GRB10: variants seen among roughly 807,000 people sequenced by gnomAD.
GRB10 encodes growth factor receptor-bound protein 10.
GRB10 carries 20 observed loss-of-function variants against 80.9 expected under a neutral mutation model. The observed-to-expected ratio is 0.25, with a 90% confidence interval of 0.17 to 0.36. The LOEUF is 0.36. GRB10 is among the 10% of genes least tolerant of loss of function. The probability of loss-of-function intolerance (pLI) is 1.00; values close to 1 mark genes in which losing one functional copy is unlikely to be tolerated. For synonymous variants in GRB10, 291 were observed against 291.5 expected, an observed-to-expected ratio of 1.00 and a Z score of 0.02; for missense variants, 548 against 747.7, an observed-to-expected ratio of 0.73 and a Z score of 3.12.
chr7:50,660,273 G>A (rs2059120043), intron 7 of GRB10, among the ~76,000 whole-genome samples: 1 of 152,172 alleles, frequency 6.6e-6, no homozygotes, highest in Non-Finnish European at 1.5e-5. Flanking sequence ...AAGTGGGGGT[G>A]CAGCCATCAT....
chr7:50,765,650 T>A (rs937912069), intron 2 of GRB10, among the ~76,000 whole-genome samples: 3 of 152,236 alleles, frequency 2.0e-5, no homozygotes, highest in Admixed American at 2.0e-4. Flanking sequence ...TAGGGGGGTA[T>A]GGAGGATTAA....
intron 2 of GRB10, among the ~76,000 whole-genome samples, chr7:50,768,998 G>A (rs1021420487): frequency 6.6e-5 from 10 of 152,146 alleles, no homozygotes; most frequent in African/African-American, 2.4e-4. Context: ...AAAGCTACCC[G>A]GGACCACAGA....
chr7:50,691,462 G>A (rs1416813464), intron 5 of GRB10, among the ~76,000 whole-genome samples: 2 of 152,162 alleles, frequency 1.3e-5, no homozygotes, highest in African/African-American at 4.8e-5. Context: ...TACCTCATAG[G>A]ATAGGTAGAT....
rs1352639432 is a variant in GRB10, at chr7:50,664,735, T to C, written c.504+4987A>G. Among the ~76,000 whole-genome samples, 3 of 152,214 alleles carry C rather than the reference T, an allele frequency of 2.0e-5. No individual in the cohort carries two copies. The South Asian group carries it at 6.2e-4, about 32-fold the overall frequency. ...AGACCCAGTGGCACCAACTAGACCGTGAGCCCAGCCTCTCCGGCCGGAGCA... is the reference window on the plus strand; with the variant it reads ...AGACCCAGTGGCACCAACTAGACCGCGAGCCCAGCCTCTCCGGCCGGAGCA... On this transcript the variant is annotated intron_variant, in intron 7 of 18. Transcript: ENST00000401949.
At chr7:50,621,636 CATG>C (rs1427056642) in intron 8 of GRB10, among the ~76,000 whole-genome samples, 1 of 152,162 alleles carries the variant, frequency 6.6e-6, no homozygotes, top group East Asian at 1.9e-4. Context: ...TAATTTTCTC[CATG>C]ATTTAAAGAT....
rs139971264 is a variant in GRB10 at position 50,707,422 on chromosome 7, C to G, written c.52-3514G>C. Among the ~76,000 whole-genome samples the G allele has an allele frequency of 9.5e-3, 1,451 of 152,330 alleles. 26 individuals are homozygous for G. The highest frequency in any genetic ancestry group is 0.033 in the African/African-American group (1,364 of 41,568). ...CCACCTCCTCACCGGTTCCACAGAG[C>G]TGCCCGCTCCCGGGCCGGCAATCCT... On this transcript the variant is annotated intron_variant, in intron 4 of 18. Coordinates refer to ENST00000401949, the MANE Select transcript of GRB10 (RefSeq NM_001350814.2).
chr7:50,710,581 G>A (rs1053174690), intron 4 of GRB10, among the ~76,000 whole-genome samples: 5 of 152,144 alleles, frequency 3.3e-5, no homozygotes, highest in Non-Finnish European at 7.3e-5. Context: ...ACGGATGGAG[G>A]GGCAGCGGGA....
chr7:50,614,778 A>T lies in GRB10; in HGVS notation c.1087T>A (p.Cys363Ser), dbSNP rs1302624788. The change falls in exon 12 of 19, where the codon TGC becomes AGC. Residue 363 changes from cysteine to serine, a missense_variant. Physicochemically the swap from Cys to Ser is moderately radical, Grantham distance 112 (BLOSUM62 -1). Around this residue, in one of 4 missense-constraint regions of GRB10, gnomAD observed 270 missense variants for 433.6 expected, o/e 0.62. Coordinates refer to ENST00000401949, the MANE Select transcript of GRB10 (RefSeq NM_001350814.2). ...GGACAGCTCGTGGGTACCTTTATGC[A>T]GAGCCCGTGGTCTGTAGGGGCGTTG... Reference protein sequence around the residue: ...QYNAPTDHGLCIKPNKVRNET... With the variant: ...QYNAPTDHGLSIKPNKVRNET... 6.2e-7 allele frequency: 1 copy of T among 1,611,176 alleles called. No individual in the cohort carries two copies. Among genetic ancestry groups the T allele is most frequent in the Non-Finnish European group, 8.5e-7 (1 of 1,177,508 alleles).
rs530548471 is a variant in GRB10, at chr7:50,635,106, A to G, written c.505-8128T>C. Among the ~76,000 whole-genome samples, 14 of 152,336 alleles carry G rather than the reference A, an allele frequency of 9.2e-5. No homozygotes were observed. The East Asian group carries it at 2.7e-3, about 29-fold the overall frequency. ...ATACATTTTTCTCATCTGCACATCA[A>G]ACAAAATTGACCAGATGCTTTGCCA... On this transcript the variant is annotated intron_variant, in intron 7 of 18. Transcript: ENST00000401949.
rs1259157917 is a variant in GRB10 at position 50,604,066 on chromosome 7, G to C, written c.1476C>G (p.His492Gln). Residue 492 changes from histidine (H) to glutamine (Q), a missense_variant, in exon 17 of 19, where the codon CAC becomes CAG. By Grantham distance (24) the His-to-Gln change is conservative (BLOSUM62 0). Around this residue, in one of 4 missense-constraint regions of GRB10, gnomAD observed 270 missense variants for 433.6 expected, o/e 0.62. Coordinates refer to ENST00000401949, the MANE Select transcript of GRB10 (RefSeq NM_001350814.2). ...CCCTGGAGATCCTCCCGTGAAACCA[G>C]TGCTGTGTCCTGTGAATCACTGTGG... ...TLSTVIHRTQ[H>Q]WFHGRISREE... The C allele has an allele frequency of 3.1e-6, 5 of 1,613,860 alleles. No individual in the cohort carries two copies. Among genetic ancestry groups the C allele is most frequent in the Non-Finnish European group, 4.2e-6 (5 of 1,179,832 alleles).
intron 5 of GRB10, among the ~76,000 whole-genome samples, chr7:50,684,433 C>T (rs2061889863): frequency 2.0e-5 from 3 of 151,800 alleles, no homozygotes; most frequent in Admixed American, 6.6e-5. Context: ...ACCTGGCATC[C>T]AATGTTCAGT....
At chr7:50,598,782 T>C (rs1290525805) in intron 17 of GRB10, among the ~76,000 whole-genome samples, 1 of 152,114 alleles carries the variant, frequency 6.6e-6, no homozygotes, top group African/African-American at 2.4e-5. Context: ...CTTTCTGCGG[T>C]TGGGAGAAGG....
chr7:50,763,970 T>C lies in GRB10; in HGVS notation c.-216-7914A>G, dbSNP rs188448028. Among the ~76,000 whole-genome samples, 4 of 152,388 alleles carry C rather than the reference T, an allele frequency of 2.6e-5. No individual in the cohort carries two copies. In the East Asian group the frequency reaches 7.7e-4, roughly 29 times the overall value. ...CGACAGCTGCCAGGCCTGACGCGTG[T>C]GGCCCCTGCCTCCTCTCCAGGCTGC... On this transcript the variant is annotated intron_variant, in intron 2 of 18. Coordinates refer to ENST00000401949, the MANE Select transcript of GRB10 (RefSeq NM_001350814.2).
intron 4 of GRB10, among the ~76,000 whole-genome samples, chr7:50,705,912 G>A (rs1221844344): frequency 6.6e-6 from 1 of 152,194 alleles, no homozygotes; most frequent in Non-Finnish European, 1.5e-5. Flanking sequence ...AGGGAGCTGT[G>A]CTCCCCTGGC....
At chr7:50,732,171 C>T in intron 4 of GRB10, 101 bp downstream of exon 4, 2 of 1,225,306 alleles carry the variant, frequency 1.6e-6, no homozygotes, top group Non-Finnish European at 1.2e-6. Context: ...TCCTAGTGAC[C>T]TGAGAGCTAC....
At chr7:50,767,744 A>G (rs944224516) in intron 2 of GRB10, among the ~76,000 whole-genome samples, 1 of 152,170 alleles carries the variant, frequency 6.6e-6, no homozygotes, top group African/African-American at 2.4e-5. Flanking sequence ...CAGACCCAGC[A>G]GTGAGCCACT....
At chr7:50,689,036 C>T (rs2062453841) in intron 5 of GRB10, among the ~76,000 whole-genome samples, 1 of 152,168 alleles carries the variant, frequency 6.6e-6, no homozygotes, top group Non-Finnish European at 1.5e-5. Flanking sequence ...AGACAATTTG[C>T]CTTCATCTCT....
intron 11 of GRB10, among the ~76,000 whole-genome samples, chr7:50,615,981 A>T (rs2715126): frequency 2.0e-5 from 3 of 151,966 alleles, no homozygotes; most frequent in Non-Finnish European, 2.9e-5. Context: ...GGGTGGGGCT[A>T]GGCAGGTGGG....
chr7:50,673,534 G>A (rs544816907), intron 6 of GRB10, among the ~76,000 whole-genome samples: 1 of 152,146 alleles, frequency 6.6e-6, no homozygotes, highest in African/African-American at 2.4e-5. Flanking sequence ...TCAAGTGCTG[G>A]CAAAACGCAG....
Sources: allele counts gnomAD v4.1 joint callset (sites outside exome capture counted in the v4.1 genomes callset), GRCh38; gene constraint gnomAD v4.1.1; regional missense constraint gnomAD v4.1.1; transcripts MANE v1.5; gene names NCBI Gene and HGNC (gene_info 2026-07-23, HGNC 2026-07-21).